Variants in TP63 observed in about 807,000 individuals in gnomAD.
TP63 encodes tumor protein 63.
TP63 carries 17 observed loss-of-function variants against 82.8 expected under a neutral mutation model. The ratio of observed to expected loss-of-function variants is 0.21; its 90% CI spans 0.14 to 0.31. The LOEUF (loss-of-function observed/expected upper bound fraction) is 0.31. TP63 is among the 10% of genes least tolerant of loss of function. The pLI, the probability that TP63 is intolerant of heterozygous loss-of-function variation, is 1.00. For synonymous variants in TP63, 330 were observed against 321.7 expected (o/e 1.03, Z -0.28); for missense variants, 648 against 895.3 (o/e 0.72, Z 3.52).
intron 3 of TP63, among the ~76,000 whole-genome samples, chr3:189,773,961 C>A (rs781590402): frequency 2.2e-4 from 28 of 127,670 alleles, no homozygotes; most frequent in Admixed American, 5.6e-4. Context: ...CTCGCTCTGT[C>A]ACCCAGGCTG....
intron 1 of TP63, among the ~76,000 whole-genome samples, chr3:189,687,209 G>C (rs1716518777): frequency 6.6e-6 from 1 of 152,132 alleles, no homozygotes; most frequent in Non-Finnish European, 1.5e-5. Context: ...GATCATTCAA[G>C]TCCATGGTCA....
At chr3:189,889,255 A>T in intron 11 of TP63, 85 bp from the exon 12 acceptor site, 1 of 1,604,058 alleles carries the variant, frequency 6.2e-7, no homozygotes, top group Non-Finnish European at 8.5e-7. Context: ...GCCCTTGATA[A>T]AATTTAACCA....
intron 1 of TP63, among the ~76,000 whole-genome samples, chr3:189,637,685 T>C (rs1353634455): frequency 6.6e-6 from 1 of 152,122 alleles, no homozygotes; most frequent in Non-Finnish European, 1.5e-5. Context: ...CCCAATGCAT[T>C]GCACATGTGA....
chr3:189,835,273 A>G (rs1560235949), intron 4 of TP63, among the ~76,000 whole-genome samples: 1 of 152,208 alleles, frequency 6.6e-6, no homozygotes, highest in Non-Finnish European at 1.5e-5. Flanking sequence ...TAAACTCCTA[A>G]TGATAAAAGG....
At chr3:189,821,910 G>A (rs1020927701) in intron 4 of TP63, among the ~76,000 whole-genome samples, 1 of 152,088 alleles carries the variant, frequency 6.6e-6, no homozygotes, top group Admixed American at 6.5e-5. Context: ...ATGATATTTA[G>A]CACATCCTGG....
chr3:189,660,430 T>C (rs1481874943), intron 1 of TP63, among the ~76,000 whole-genome samples: 1 of 152,070 alleles, frequency 6.6e-6, no homozygotes, highest in Non-Finnish European at 1.5e-5. Flanking sequence ...ACCAGTACCA[T>C]GCTGTTTTTG....
intron 3 of TP63, among the ~76,000 whole-genome samples, chr3:189,753,423 T>G (rs770673915): frequency 6.6e-6 from 1 of 152,058 alleles, no homozygotes; most frequent in Non-Finnish European, 1.5e-5. Context: ...GATAATTGCT[T>G]TTTTCCGAAG....
At chr3:189,707,153 G>A (rs1718265194) in intron 1 of TP63, among the ~76,000 whole-genome samples, 1 of 152,106 alleles carries the variant, frequency 6.6e-6, no homozygotes, top group Non-Finnish European at 1.5e-5. Flanking sequence ...ATCTAAAAAA[G>A]GAATTTTTTA....
chr3:189,894,851 T>C lies in TP63; in HGVS notation c.*349T>C, dbSNP rs1056070342. 6 of 248,972 alleles carry C rather than the reference T, an allele frequency of 2.4e-5. No individual in the cohort carries two copies. The Admixed American group carries it at 3.0e-4, about 12-fold the overall frequency. The allele number at this position is 248,972 out of a possible 1,614,324, so 15.4% of individuals were successfully genotyped here. A position where few individuals can be genotyped will look rare whatever the true frequency, so the allele number is the denominator to read the frequency against. Reference sequence around the variant, plus strand: ...AAGACTATATATATAAATGTATAAATATACAGTATAGATTTTTGGGTGGGG... The same window carrying C: ...AAGACTATATATATAAATGTATAAACATACAGTATAGATTTTTGGGTGGGG... On this transcript the variant is annotated 3_prime_UTR_variant, in exon 14 of 14. Transcript: ENST00000264731.
chr3:189,840,039 A>G (rs375053663), intron 4 of TP63, among the ~76,000 whole-genome samples: 9 of 152,358 alleles, frequency 5.9e-5, no homozygotes, highest in Admixed American at 2.6e-4. Flanking sequence ...CGATGATCAT[A>G]TAAGACATAA....
intron 1 of TP63, among the ~76,000 whole-genome samples, chr3:189,735,965 G>A (rs551222678): frequency 6.6e-6 from 1 of 151,982 alleles, no homozygotes; most frequent in South Asian, 2.1e-4. Flanking sequence ...TTTACAAGAT[G>A]TTGCTATCAA....
intron 5 of TP63, 78 bp downstream of exon 5, chr3:189,864,496 C>T (rs933381553): frequency 2.7e-6 from 4 of 1,458,834 alleles, no homozygotes; most frequent in East Asian, 2.4e-5. Flanking sequence ...TTGAGACCCA[C>T]CTACCTGATT....
intron 1 of TP63, among the ~76,000 whole-genome samples, chr3:189,707,059 T>G (rs1396519772): frequency 2.0e-5 from 3 of 152,190 alleles, no homozygotes; most frequent in East Asian, 3.8e-4. Context: ...ATTTTAGCTT[T>G]GCTAATTGTT....
At chr3:189,607,648 A>G in the TP63 span, among the ~76,000 whole-genome samples, 2 of 151,828 alleles carry the variant, frequency 1.3e-5, no homozygotes, top group African/African-American at 4.8e-5. Flanking sequence ...GATTAAATGA[A>G]AAATTAGAAT....
At chr3:189,728,172 TAAAAAAA>T (rs112123067) in intron 1 of TP63, among the ~76,000 whole-genome samples, 1 of 142,852 alleles carries the variant, frequency 7.0e-6, no homozygotes, top group Non-Finnish European at 1.6e-5. Flanking sequence ...GTTTCGTTTA[TAAAAAAA>T]AAAAAAAGGA....
At chr3:189,747,593 A>C (rs1721475663) in intron 3 of TP63, among the ~76,000 whole-genome samples, 1 of 152,160 alleles carries the variant, frequency 6.6e-6, no homozygotes, top group African/African-American at 2.4e-5. Flanking sequence ...CAGTGTTAAC[A>C]GGGAAGTTTA....
intron 3 of TP63, among the ~76,000 whole-genome samples, chr3:189,794,671 A>G (rs1725512641): frequency 6.6e-6 from 1 of 152,052 alleles, no homozygotes; most frequent in Non-Finnish European, 1.5e-5. Context: ...TAACACTGAG[A>G]GGAGAGTACA....
intron 3 of TP63, among the ~76,000 whole-genome samples, chr3:189,746,734 C>G (rs1307777422): frequency 6.6e-6 from 1 of 151,148 alleles, no homozygotes; most frequent in Non-Finnish European, 1.5e-5. Flanking sequence ...ACTTTCCACT[C>G]AAAAGACATA....
At chr3:189,824,264 T>G (rs1270729058) in intron 4 of TP63, among the ~76,000 whole-genome samples, 10 of 152,078 alleles carry the variant, frequency 6.6e-5, no homozygotes, top group Non-Finnish European at 1.3e-4. Flanking sequence ...TCACCCAGGC[T>G]GGAGTGCAGT....
Sources: gnomAD v4.1 joint callset for allele counts (sites outside exome capture counted in the v4.1 genomes callset) on GRCh38, gnomAD v4.1.1 for gene constraint, MANE v1.5 for transcripts, NCBI Gene and HGNC (gene_info 2026-07-23, HGNC 2026-07-21) for gene names.